The following RBPJ variants were observed in gnomAD, a reference collection of about 807,000 sequenced individuals.
RBPJ encodes recombination signal binding protein for immunoglobulin kappa J region.
A neutral mutation model predicts 67.8 loss-of-function variants in RBPJ; 9 were observed. That is an observed-to-expected ratio of 0.13 (90% confidence interval 0.08 to 0.23). The LOEUF (loss-of-function observed/expected upper bound fraction) is 0.23, where lower values mean the gene tolerates loss of function less well. Among genes scored for constraint, RBPJ ranks in the 10% least tolerant of loss-of-function variants. RBPJ has a pLI of 1.00. For missense variants in RBPJ, 305 were observed against 595.6 expected (o/e 0.51, Z 5.08); for synonymous variants, 198 against 203.3 (o/e 0.97, Z 0.22).
chr4:26,178,730 G>T (rs892807984), intron 1 of RBPJ, among the ~76,000 whole-genome samples: 22 of 150,242 alleles, frequency 1.5e-4, no homozygotes, highest in African/African-American at 5.4e-4. Context: ...ACCATGCGAT[G>T]TAATTCCACC....
At chr4:26,415,353 C>T in intron 3 of RBPJ, 122 bp from the exon 4 acceptor site, 5 of 854,968 alleles carry the variant, frequency 5.8e-6, no homozygotes, top group Non-Finnish European at 8.8e-6. Flanking sequence ...CAAAATTTTT[C>T]ATTGGGGAAT....
intron 1 of RBPJ, 115 bp downstream of exon 1, chr4:26,321,163 G>C (rs1722995049): frequency 2.0e-6 from 1 of 505,842 alleles, no homozygotes; most frequent in African/African-American, 2.1e-5. Flanking sequence ...GGGCCCGCGG[G>C]GGCGGCGTCG....
At chr4:26,371,276 G>GCA (rs1317093662) in intron 1 of RBPJ, among the ~76,000 whole-genome samples, 6 of 152,042 alleles carry the variant, frequency 3.9e-5, no homozygotes, top group Non-Finnish European at 5.9e-5. Context: ...TGTTTTGGTT[G>GCA]CATGTGTTTT....
intron 3 of RBPJ, among the ~76,000 whole-genome samples, chr4:26,414,825 G>T (rs1020497214): frequency 6.6e-6 from 1 of 152,236 alleles, no homozygotes; most frequent in East Asian, 1.9e-4. Context: ...ACAGTGTATT[G>T]TTCTTTGAGC....
At chr4:26,414,157 T>A (rs1369006804) in intron 3 of RBPJ, among the ~76,000 whole-genome samples, 1 of 152,100 alleles carries the variant, frequency 6.6e-6, no homozygotes, top group East Asian at 1.9e-4. Flanking sequence ...CTTCTTTGGG[T>A]AACTAAAGGA....
At position 26,191,218 on chromosome 4, in the gene RBPJ, G is replaced by T. The variant is rs1177806634; in HGVS notation, c.-167+27604G>T. 1.3e-3 allele frequency among the ~76,000 whole-genome samples: 105 copies of T among 82,750 alleles called. 1 individual carries two copies. The highest frequency in any genetic ancestry group is 1.6e-3 in the African/African-American group (30 of 18,864). 54.3% of individuals were successfully genotyped at this position (82,750 alleles called of 152,430 possible). On this transcript the variant is annotated intron_variant, in intron 1 of 4. Transcript: ENST00000512351. ...ATATATATATATATATATAGAGAGA[G>T]AGAGAGAGAGAGAGAGAGAGAGATA... is the stretch of plus-strand genomic sequence containing the variant.
At chr4:26,272,061 G>C (rs952928009) in intron 1 of RBPJ, among the ~76,000 whole-genome samples, 1 of 152,164 alleles carries the variant, frequency 6.6e-6, no homozygotes, top group African/African-American at 2.4e-5. Flanking sequence ...CCAGGACTGG[G>C]TTGGGAATAT....
At chr4:26,116,675 T>A in the RBPJ span, among the ~76,000 whole-genome samples, 1 of 152,216 alleles carries the variant, frequency 6.6e-6, no homozygotes, top group Non-Finnish European at 1.5e-5. Flanking sequence ...AAAGGTCTGA[T>A]CAACCCACAC....
intron 1 of RBPJ, chr4:26,272,733 G>A (rs899610780): frequency 4.4e-6 from 2 of 453,054 alleles, no homozygotes; most frequent in Non-Finnish European, 8.9e-6. Flanking sequence ...CTGTCCTTGG[G>A]GTGCACCAAC....
intron 5 of RBPJ, 32 bp downstream of exon 5, chr4:26,420,757 G>C (rs2109805040): frequency 6.6e-7 from 1 of 1,522,720 alleles, no homozygotes; most frequent in Non-Finnish European, 8.9e-7. Flanking sequence ...ATCCCCAACT[G>C]CCACCATGAA....
At chr4:26,419,453 G>A (rs1437834281) in intron 4 of RBPJ, among the ~76,000 whole-genome samples, 2 of 152,106 alleles carry the variant, frequency 1.3e-5, no homozygotes, top group Non-Finnish European at 2.9e-5. Flanking sequence ...ATAAACTATT[G>A]CAGTAGTTTT....
intron 2 of RBPJ, among the ~76,000 whole-genome samples, chr4:26,387,060 C>T (rs1160750703): frequency 6.6e-6 from 1 of 152,018 alleles, no homozygotes; most frequent in Non-Finnish European, 1.5e-5. Context: ...CAACTGAGAT[C>T]ACACTCTATC....
At chr4:26,343,939 G>A (rs897632403) in intron 1 of RBPJ, among the ~76,000 whole-genome samples, 36 of 151,766 alleles carry the variant, frequency 2.4e-4, no homozygotes, top group African/African-American at 8.5e-4. Context: ...TTAGTAGGGA[G>A]AGGGTTTCAC....
At chr4:26,318,996 C>CAAAAAAA (rs201084739), upstream of RBPJ, among the ~76,000 whole-genome samples, 3 of 83,866 alleles carry the variant, frequency 3.6e-5, no homozygotes, top group Admixed American at 1.7e-4. Flanking sequence ...GACTCCGTCT[C>CAAAAAAA]AAAAAAAAAA....
At chr4:26,362,678 C>G (rs13116873) in intron 1 of RBPJ, 803,431 of 1,435,734 alleles carry the variant, frequency 0.56, 228,742 homozygotes, top group Admixed American at 0.67. Flanking sequence ...ATAGAATGAA[C>G]ACTCATGATT....
intron 1 of RBPJ, among the ~76,000 whole-genome samples, chr4:26,238,268 C>A (rs1027084666): frequency 6.6e-6 from 1 of 152,118 alleles, no homozygotes; most frequent in East Asian, 1.9e-4. Context: ...TGTCATGTTG[C>A]CCAGGCTGGT....
At chr4:26,210,804 TTTC>T (rs1718392798) in intron 1 of RBPJ, among the ~76,000 whole-genome samples, 2 of 148,942 alleles carry the variant, frequency 1.3e-5, no homozygotes, top group Admixed American at 6.8e-5. Flanking sequence ...TCTTTCTTTC[TTTC>T]TTTTCTCCTG....
chr4:26,109,436 CTCTCTCTCTCTCTCTCTCTCTCTCTATA>C, the RBPJ span, among the ~76,000 whole-genome samples: 2 of 34,392 alleles, frequency 5.8e-5, no homozygotes, highest in African/African-American at 4.1e-4. Flanking sequence ...CTCTCTCTCT[CTCTCTCTCTCTCTCTCTCTCTCTCTATA>C]TATATATATA....
chr4:26,133,933 CAG>C, the RBPJ span, among the ~76,000 whole-genome samples: 3 of 152,132 alleles, frequency 2.0e-5, no homozygotes, highest in Non-Finnish European at 4.4e-5. Context: ...AGGAAGGAAA[CAG>C]AGGGTTTCTC....
Sources: gnomAD v4.1 joint callset for allele counts (sites outside exome capture counted in the v4.1 genomes callset) on GRCh38, gnomAD v4.1.1 for gene constraint, MANE v1.5 for transcripts, NCBI Gene and HGNC (gene_info 2026-07-23, HGNC 2026-07-21) for gene names.